The following GRM3 variants were observed in gnomAD, a reference collection of about 807,000 sequenced individuals.
The protein encoded by GRM3 is glutamate metabotropic receptor 3.
A neutral mutation model predicts 70.5 loss-of-function variants in GRM3; 26 were observed. The observed-to-expected ratio is 0.37, with a 90% CI of 0.27 to 0.51. The LOEUF (loss-of-function observed/expected upper bound fraction) is 0.51, where lower values mean the gene tolerates loss of function less well. Among genes scored for constraint, GRM3 ranks in the 20% least tolerant of loss-of-function variants. The pLI, the probability that GRM3 is intolerant of heterozygous loss-of-function variation, is 0.93. For missense variants in GRM3, 859 were observed against 1,123.8 expected, an observed-to-expected ratio of 0.76 and a Z score of 3.37; for synonymous variants, 443 against 434.9, an observed-to-expected ratio of 1.02 and a Z score of -0.23.
chr7:86,676,872 T>C (rs1431274114), intron 1 of GRM3, among the ~76,000 whole-genome samples: 2 of 152,028 alleles, frequency 1.3e-5, no homozygotes, highest in Non-Finnish European at 2.9e-5. Flanking sequence ...TCTGCTATTA[T>C]AGAGACTTCT....
chr7:86,804,098 T>C (rs896222143), intron 3 of GRM3, among the ~76,000 whole-genome samples: 1 of 152,132 alleles, frequency 6.6e-6, no homozygotes, highest in Non-Finnish European at 1.5e-5. Flanking sequence ...CATTGCACAG[T>C]GATATGTTCC....
chr7:86,702,872 G>C (rs1794974608), intron 1 of GRM3, among the ~76,000 whole-genome samples: 1 of 151,930 alleles, frequency 6.6e-6, no homozygotes, highest in Non-Finnish European at 1.5e-5. Context: ...GCTGATCTTT[G>C]AGACGTTAGA....
chr7:86,671,602 A>G (rs1265107590), intron 1 of GRM3, among the ~76,000 whole-genome samples: 3 of 152,188 alleles, frequency 2.0e-5, no homozygotes, highest in Non-Finnish European at 4.4e-5. Context: ...TTATTTGAGA[A>G]AACTTAGGAT....
At chr7:86,699,506 T>G (rs1291571717) in intron 1 of GRM3, among the ~76,000 whole-genome samples, 1 of 152,064 alleles carries the variant, frequency 6.6e-6, no homozygotes, top group Non-Finnish European at 1.5e-5. Flanking sequence ...TTAACACTAG[T>G]CATAAGAAGC....
chr7:86,686,283 T>C (rs1270116806), intron 1 of GRM3, among the ~76,000 whole-genome samples: 1 of 152,184 alleles, frequency 6.6e-6, no homozygotes, highest in Admixed American at 6.5e-5. Context: ...GAAAGTCTCT[T>C]GCTTCACTGA....
In GRM3 at chr7:86,831,793, TAA is replaced by T. The variant is rs35888996; in HGVS notation, c.1325-7026_1325-7025del. Among the ~76,000 whole-genome samples the T allele has an allele frequency of 7.8e-3, 883 of 113,928 alleles. 9 individuals are homozygous for T. The highest frequency in any genetic ancestry group is 0.024 in the African/African-American group (722 of 30,318). The allele number at this position is 113,928 out of a possible 152,430, so 74.7% of individuals were successfully genotyped here. ...TCCTCTTCAAAAGTCATAGCACCGT[TAA>T]AAAAAAAAAAAAAAAAAAAGCTATT... On this transcript the variant is annotated intron_variant, in intron 3 of 5. Coordinates refer to ENST00000361669, the MANE Select transcript of GRM3 (RefSeq NM_000840.3).
intron 1 of GRM3, among the ~76,000 whole-genome samples, chr7:86,736,702 T>G (rs1237034705): frequency 1.3e-5 from 2 of 152,070 alleles, no homozygotes; most frequent in Non-Finnish European, 2.9e-5. Flanking sequence ...CAGGGGAAGG[T>G]TTACATGAGA....
At chr7:86,773,113 G>A (rs181110880) in intron 2 of GRM3, among the ~76,000 whole-genome samples, 1 of 152,100 alleles carries the variant, frequency 6.6e-6, no homozygotes, top group African/African-American at 2.4e-5. Flanking sequence ...AATGAACATA[G>A]TATCCAGTGG....
At chr7:86,662,291 T>C (rs1793914008) in intron 1 of GRM3, among the ~76,000 whole-genome samples, 1 of 151,892 alleles carries the variant, frequency 6.6e-6, no homozygotes. Flanking sequence ...CCTCTGTACA[T>C]TTACTGCAAG....
At chr7:86,689,240 G>A (rs1794640724) in intron 1 of GRM3, among the ~76,000 whole-genome samples, 1 of 151,620 alleles carries the variant, frequency 6.6e-6, no homozygotes, top group South Asian at 2.1e-4. Flanking sequence ...TGAATAAATA[G>A]GAAGCTACAC....
rs201421679 is a variant in GRM3 at position 86,864,269 on chromosome 7, C to T, written c.2567-13C>T. 3 of 1,436,506 alleles carry T rather than the reference C, an allele frequency of 2.1e-6. No individual in the cohort carries two copies. Among genetic ancestry groups the T allele is most frequent in the Non-Finnish European group, 2.0e-6 (2 of 1,017,862 alleles). 89.0% of individuals were successfully genotyped at this position (1,436,506 alleles called of 1,614,324 possible). On this transcript the variant is annotated splice_polypyrimidine_tract_variant and intron_variant, in intron 5 of 5. Coordinates refer to ENST00000361669, the MANE Select transcript of GRM3 (RefSeq NM_000840.3). ...GACTAACTTTGAGTTTTCTGTCCCA[C>T]TTTGTTTTCCAGCCTCTGCAAGCAC...
chr7:86,683,334 A>G (rs749652414), intron 1 of GRM3, among the ~76,000 whole-genome samples: 1 of 152,168 alleles, frequency 6.6e-6, no homozygotes, highest in Non-Finnish European at 1.5e-5. Context: ...GGAGCAGAGG[A>G]AATAACAAGT....
At chr7:86,848,027 G>A (rs545844620) in intron 4 of GRM3, among the ~76,000 whole-genome samples, 7 of 152,258 alleles carry the variant, frequency 4.6e-5, no homozygotes, top group Non-Finnish European at 8.8e-5. Context: ...TCCTGTGCAC[G>A]TATTCAAACA....
chr7:86,700,213 A>G (rs1794918126), intron 1 of GRM3, among the ~76,000 whole-genome samples: 1 of 152,034 alleles, frequency 6.6e-6, no homozygotes. Context: ...AAATCTGCAT[A>G]ACTAGCCAAC....
chr7:86,742,245 G>A (rs1796007084), intron 1 of GRM3, among the ~76,000 whole-genome samples: 1 of 152,160 alleles, frequency 6.6e-6, no homozygotes, highest in African/African-American at 2.4e-5. Context: ...GAAAGAAGCA[G>A]CAGGATCAGG....
intron 1 of GRM3, among the ~76,000 whole-genome samples, chr7:86,698,604 A>G (rs182785620): frequency 6.7e-6 from 1 of 149,354 alleles, no homozygotes; most frequent in East Asian, 1.9e-4. Context: ...CATATATATA[A>G]ACACTATAAA....
intron 2 of GRM3, chr7:86,784,271 CA>C (rs1797163794): frequency 6.6e-6 from 1 of 151,420 alleles, no homozygotes; most frequent in Non-Finnish European, 1.5e-5. Flanking sequence ...GAGGAAATTT[CA>C]GCAGTTTAGG....
At chr7:86,671,901 C>T (rs1361618476) in intron 1 of GRM3, among the ~76,000 whole-genome samples, 1 of 152,148 alleles carries the variant, frequency 6.6e-6, no homozygotes, top group African/African-American at 2.4e-5. Context: ...GTCCATTGGA[C>T]ATCCAGTCAG....
intron 1 of GRM3, among the ~76,000 whole-genome samples, chr7:86,747,228 A>G (rs185701477): frequency 6.6e-6 from 1 of 152,186 alleles, no homozygotes; most frequent in East Asian, 1.9e-4. Flanking sequence ...ATACTCAACA[A>G]AGCATGTTTT....
Sources: gnomAD v4.1 joint callset for allele counts (sites outside exome capture counted in the v4.1 genomes callset) on GRCh38, gnomAD v4.1.1 for gene constraint, MANE v1.5 for transcripts, NCBI Gene and HGNC (gene_info 2026-07-23, HGNC 2026-07-21) for gene names.